The following GRIK1 variants were observed in gnomAD, a reference collection of about 807,000 sequenced individuals.
GRIK1 encodes glutamate ionotropic receptor kainate type subunit 1.
In GRIK1, 69 loss-of-function variants were observed where a neutral mutation model predicts 105.7. That is an observed-to-expected ratio of 0.65 (90% CI 0.54 to 0.80). The LOEUF (loss-of-function observed/expected upper bound fraction) is 0.80, where lower values mean the gene tolerates loss of function less well. GRIK1 is among the 30% of genes least tolerant of loss of function. The pLI is 0.00. For synonymous variants in GRIK1, 438 were observed against 431.3 expected (o/e 1.02, Z -0.19); for missense variants, 1,109 against 1,167.3 (o/e 0.95, Z 0.73).
chr21:29,744,026 A>G (rs1446706827), intron 1 of GRIK1, among the ~76,000 whole-genome samples: 1 of 152,248 alleles, frequency 6.6e-6, no homozygotes, highest in Non-Finnish European at 1.5e-5. Context: ...ACAAACCCCC[A>G]TGACACAAGT....
chr21:29,891,728 T>C lies in GRIK1; in HGVS notation c.118+47655A>G, dbSNP rs73345465. ...TAGGTATAGGGAAAAAAGGGTTTTA[T>C]TATTTCTTTTGAAATGGAAAATATA... On this transcript the variant is annotated intron_variant, in intron 1 of 17. Transcript: ENST00000327783. Among the ~76,000 whole-genome samples, 1,348 of 152,342 alleles carry C rather than the reference T, an allele frequency of 8.8e-3. 22 individuals carry two copies. Among genetic ancestry groups the C allele is most frequent in the African/African-American group, 0.031 (1,298 of 41,572 alleles).
chr21:29,821,861 A>G (rs890808184), intron 1 of GRIK1, among the ~76,000 whole-genome samples: 4 of 152,028 alleles, frequency 2.6e-5, no homozygotes, highest in Non-Finnish European at 5.9e-5. Flanking sequence ...TTATGTACTC[A>G]TGACACACAA....
At chr21:29,902,574 T>C (rs1244524732) in intron 1 of GRIK1, among the ~76,000 whole-genome samples, 1 of 152,130 alleles carries the variant, frequency 6.6e-6, no homozygotes, top group East Asian at 1.9e-4. Context: ...TACCTAGGAA[T>C]ACAACTTACA....
chr21:29,652,751 TAA>T (rs1231924059), intron 5 of GRIK1, among the ~76,000 whole-genome samples: 1 of 152,218 alleles, frequency 6.6e-6, no homozygotes, highest in African/African-American at 2.4e-5. Context: ...AATACTTCCA[TAA>T]AAGTTTCTTA....
At chr21:29,786,214 C>A (rs886373336) in intron 1 of GRIK1, among the ~76,000 whole-genome samples, 2 of 152,198 alleles carry the variant, frequency 1.3e-5, no homozygotes, top group Admixed American at 1.3e-4. Context: ...GTCTCGATCT[C>A]TTGACCCTGT....
rs35127743 is a variant in GRIK1, at chr21:29,813,913, CTTTTTTT to C, written c.119-119857_119-119851del. ...CACGGGTTAGACCCCAAGAAACATT[CTTTTTTT>C]TTTTTTTTTTTGAGATGGAATTTCA... is the stretch of plus-strand genomic sequence containing the variant. On this transcript the variant is annotated intron_variant, in intron 1 of 17. Transcript: ENST00000327783. Among the ~76,000 whole-genome samples the C allele has an allele frequency of 4.3e-3, 543 of 126,266 alleles. 1 individual carries two copies. The highest frequency in any genetic ancestry group is 0.015 in the African/African-American group (510 of 34,480). 82.8% of individuals were successfully genotyped at this position (126,266 alleles called of 152,430 possible). A position where few individuals can be genotyped will look rare whatever the true frequency, so the allele number is the denominator to read the frequency against.
chr21:29,654,890 A>G (rs578199756), intron 4 of GRIK1, 27 bp from the exon 5 acceptor site: 10 of 1,361,454 alleles, frequency 7.3e-6, no homozygotes, highest in South Asian at 1.2e-5. Context: ...AGGGGAAAGA[A>G]TCAGGAACAG....
intron 7 of GRIK1, among the ~76,000 whole-genome samples, chr21:29,622,605 T>A (rs914795485): frequency 7.2e-5 from 11 of 152,174 alleles, no homozygotes; most frequent in African/African-American, 2.7e-4. Flanking sequence ...AGCCAATGAA[T>A]GAGTACTACT....
At chr21:29,700,014 A>G (rs1183304248) in intron 1 of GRIK1, among the ~76,000 whole-genome samples, 2 of 152,168 alleles carry the variant, frequency 1.3e-5, no homozygotes. Context: ...ACTCACATAT[A>G]TTCAAGTAAT....
intron 1 of GRIK1, among the ~76,000 whole-genome samples, chr21:29,897,159 A>G (rs1035990067): frequency 6.6e-6 from 1 of 152,198 alleles, no homozygotes; most frequent in Non-Finnish European, 1.5e-5. Context: ...AGTGATTTGT[A>G]GCAAGTATGA....
intron 1 of GRIK1, among the ~76,000 whole-genome samples, chr21:29,880,411 T>C (rs2069363105): frequency 6.6e-6 from 1 of 152,150 alleles, no homozygotes. Flanking sequence ...TTTCCTATGA[T>C]CAGAGAATCT....
intron 1 of GRIK1, among the ~76,000 whole-genome samples, chr21:29,881,490 T>C (rs2069407088): frequency 6.6e-6 from 1 of 152,118 alleles, no homozygotes; most frequent in Admixed American, 6.6e-5. Flanking sequence ...AAGTGTCTTA[T>C]TCCATGCAAG....
chr21:29,892,798 G>T (rs1310051800), intron 1 of GRIK1, among the ~76,000 whole-genome samples: 1 of 152,172 alleles, frequency 6.6e-6, no homozygotes, highest in African/African-American at 2.4e-5. Flanking sequence ...GTGCTATTTA[G>T]TGTATCATAT....
intron 8 of GRIK1, among the ~76,000 whole-genome samples, chr21:29,597,150 G>C (rs1329366444): frequency 6.6e-6 from 1 of 152,154 alleles, no homozygotes; most frequent in African/African-American, 2.4e-5. Context: ...TTCCTCCCTC[G>C]GCTCCTGAGA....
intron 1 of GRIK1, among the ~76,000 whole-genome samples, chr21:29,883,002 C>T (rs1176568274): frequency 6.6e-6 from 1 of 152,042 alleles, no homozygotes; most frequent in Non-Finnish European, 1.5e-5. Context: ...CAGCTTTAAC[C>T]TTAGTCATTA....
At position 29,537,382 on chromosome 21, in the gene GRIK1, G is replaced by C. The variant is rs777517421; in HGVS notation, c.2698C>G (p.Leu900Val). ...TCTTCCATGATAGCGTTGAAAGAGA[G>C]ACACTAGGGAACATGAGATACAGAC... is the stretch of plus-strand genomic sequence containing the variant. ...KKQSLGVEKC[L>V]SFNAIMEELG... Residue 900 changes from leucine (L) to valine (V), a missense_variant, in exon 18 of 18, where the codon CTC becomes GTC. Around this residue, in one of 5 missense-constraint regions of GRIK1, gnomAD observed 161 missense variants for 143.4 expected, o/e 1.12. Transcript: ENST00000327783. 5 of 1,607,976 alleles carry C rather than the reference G, an allele frequency of 3.1e-6. No individual in the cohort carries two copies. The highest frequency in any genetic ancestry group is 3.4e-6 in the Non-Finnish European group (4 of 1,176,722).
intron 4 of GRIK1, among the ~76,000 whole-genome samples, chr21:29,669,842 C>A (rs2063130681): frequency 1.3e-5 from 2 of 152,266 alleles, no homozygotes; most frequent in South Asian, 4.2e-4. Flanking sequence ...GGACCCAGAA[C>A]TCCTGAGTCC....
intron 4 of GRIK1, among the ~76,000 whole-genome samples, chr21:29,664,412 A>G (rs1301648230): frequency 2.0e-5 from 3 of 152,246 alleles, no homozygotes; most frequent in Admixed American, 2.0e-4. Flanking sequence ...TTAATGCCTT[A>G]TATTTAATAC....
At chr21:29,627,330 A>G (rs1482531286) in intron 7 of GRIK1, among the ~76,000 whole-genome samples, 10 of 152,228 alleles carry the variant, frequency 6.6e-5, no homozygotes. Context: ...TGGAAGGCAT[A>G]ATTGAATAAA....
Sources: gnomAD v4.1 joint callset for allele counts (sites outside exome capture counted in the v4.1 genomes callset) on GRCh38, gnomAD v4.1.1 for gene constraint, gnomAD v4.1.1 regional missense constraint, MANE v1.5 for transcripts, NCBI Gene and HGNC (gene_info 2026-07-23, HGNC 2026-07-21) for gene names.